GPR63: variants seen among roughly 807,000 people sequenced by gnomAD.
GPR63 encodes G protein-coupled receptor 63, also known as probable G protein-coupled receptor 63.
A neutral mutation model predicts 23.1 loss-of-function variants in GPR63; 12 were observed. The observed-to-expected ratio is 0.52, with a 90% CI of 0.33 to 0.84. The LOEUF (loss-of-function observed/expected upper bound fraction) is 0.84, where lower values mean the gene tolerates loss of function less well. Among genes scored for constraint, GPR63 ranks in the 40% least tolerant of loss-of-function variants. The pLI is 0.02. For synonymous variants in GPR63, 172 were observed against 191.1 expected (o/e 0.90, Z 0.82); for missense variants, 472 against 515.6 (o/e 0.92, Z 0.82).
chr6:96,798,997 C>T lies in GPR63; in HGVS notation c.735G>A (p.Leu245=). 1 of 1,614,106 alleles carries T rather than the reference C, an allele frequency of 6.2e-7. No individual in the cohort carries two copies. Among genetic ancestry groups the T allele is most frequent in the Non-Finnish European group, 8.5e-7 (1 of 1,180,016 alleles). ...GTATGAAGAAAGAAATGAGAGAAAT[C>T]AAAATCACATAAGCCTGGTAGCCTG... is the stretch of plus-strand genomic sequence containing the variant. ...TNPGYQAYVI[L]ISLISFFIPF... is the part of the protein sequence containing the mutation. The change falls in exon 2 of 2, where the codon TTG becomes TTA. Residue 245 remains leucine (L), a synonymous_variant. Transcript: ENST00000229955.
At chr6:96,818,219 T>C (rs752337439) in intron 1 of GPR63, among the ~76,000 whole-genome samples, 9 of 152,000 alleles carry the variant, frequency 5.9e-5, no homozygotes, top group Non-Finnish European at 1.2e-4. Context: ...CCCAGCACTT[T>C]AGGAGGCCAA....
chr6:96,836,599 A>ATT (rs35837304), intron 1 of GPR63, among the ~76,000 whole-genome samples: 83 of 150,174 alleles, frequency 5.5e-4, no homozygotes, highest in Non-Finnish European at 6.4e-4. Context: ...ATGTTGTTGG[A>ATT]TTTTTTTTTT....
intron 1 of GPR63, among the ~76,000 whole-genome samples, chr6:96,819,753 C>T (rs1003842632): frequency 6.8e-6 from 1 of 147,308 alleles, no homozygotes; most frequent in South Asian, 2.2e-4. Context: ...CAAAAAAAAA[C>T]GGGTAGATCA....
chr6:96,798,403 G>A lies in GPR63; in HGVS notation c.*69C>T. On this transcript the variant is annotated 3_prime_UTR_variant, in exon 2 of 2. Coordinates refer to ENST00000229955, the MANE Select transcript of GPR63 (RefSeq NM_030784.4). ...CTATAAAAAAAAATAAAGTGGAGAG[G>A]CTATGAGAAAGAGAATTCAATGTCA... is the stretch of plus-strand genomic sequence containing the variant. 1 of 1,504,276 alleles carries A rather than the reference G, an allele frequency of 6.6e-7. No individual in the cohort carries two copies. Among genetic ancestry groups the A allele is most frequent in the Non-Finnish European group, 9.0e-7 (1 of 1,105,934 alleles). 93.2% of individuals were successfully genotyped at this position (1,504,276 alleles called of 1,614,324 possible). A position where few individuals can be genotyped will look rare whatever the true frequency, so the allele number is the denominator to read the frequency against.
chr6:96,819,743 C>CA (rs1222932534), intron 1 of GPR63, among the ~76,000 whole-genome samples: 49 of 140,246 alleles, frequency 3.5e-4, no homozygotes, highest in East Asian at 3.1e-3. Flanking sequence ...AACAAAAAAA[C>CA]AAAAAAAAAC....
At chr6:96,806,569 C>A (rs1773902974) in intron 1 of GPR63, among the ~76,000 whole-genome samples, 1 of 152,206 alleles carries the variant, frequency 6.6e-6, no homozygotes, top group East Asian at 1.9e-4. Context: ...TAGCATTTGG[C>A]AGGCCCCTTA....
At chr6:96,829,643 T>A (rs1774529770) in intron 1 of GPR63, among the ~76,000 whole-genome samples, 1 of 152,144 alleles carries the variant, frequency 6.6e-6, no homozygotes, top group South Asian at 2.1e-4. Context: ...AAGGCTACAG[T>A]GAGCCATGAT....
intron 1 of GPR63, among the ~76,000 whole-genome samples, chr6:96,805,023 T>C (rs1773861272): frequency 6.6e-6 from 1 of 152,224 alleles, no homozygotes; most frequent in Non-Finnish European, 1.5e-5. Context: ...TTGAAGTTTT[T>C]GTTCAAGTCC....
chr6:96,825,695 T>G (rs1774422569), intron 1 of GPR63, among the ~76,000 whole-genome samples: 1 of 151,974 alleles, frequency 6.6e-6, no homozygotes, highest in Non-Finnish European at 1.5e-5. Context: ...GCACAGAAAA[T>G]AGTAAAAGCT....
chr6:96,824,348 G>A (rs1432553760), intron 1 of GPR63, among the ~76,000 whole-genome samples: 3 of 151,902 alleles, frequency 2.0e-5, no homozygotes, highest in African/African-American at 7.3e-5. Context: ...AACCTCACTA[G>A]CAGAAAGACT....
At chr6:96,831,349 G>T (rs1774575165) in intron 1 of GPR63, among the ~76,000 whole-genome samples, 1 of 151,940 alleles carries the variant, frequency 6.6e-6, no homozygotes, top group African/African-American at 2.4e-5. Flanking sequence ...TCTATAAAAT[G>T]GGGTTATTTC....
chr6:96,817,248 C>A (rs1251783197), intron 1 of GPR63, among the ~76,000 whole-genome samples: 1 of 152,116 alleles, frequency 6.6e-6, no homozygotes, highest in Non-Finnish European at 1.5e-5. Context: ...AAACAAAATC[C>A]ACAACATATG....
chr6:96,814,608 T>C (rs1190384159), intron 1 of GPR63, among the ~76,000 whole-genome samples: 2 of 152,160 alleles, frequency 1.3e-5, no homozygotes, highest in Non-Finnish European at 2.9e-5. Context: ...ACAAAATGTT[T>C]TGCTGCTTCT....
rs1456590389 is a variant in GPR63, at chr6:96,796,255, C to T, written c.*2217G>A. The T allele has an allele frequency of 6.6e-6, 1 of 152,182 alleles. No homozygotes were observed. The highest frequency in any genetic ancestry group is 1.5e-5 in the Non-Finnish European group (1 of 68,052). 9.4% of individuals were successfully genotyped at this position (152,182 alleles called of 1,614,324 possible). On this transcript the variant is annotated 3_prime_UTR_variant, in exon 2 of 2. Transcript: ENST00000229955. Reference sequence around the variant, plus strand: ...AGGTGATGCTGAAGTCAGCTAGGCTCTTCAAAAATCTATACCCTAGTATAG... The same window carrying T: ...AGGTGATGCTGAAGTCAGCTAGGCTTTTCAAAAATCTATACCCTAGTATAG...
intron 1 of GPR63, among the ~76,000 whole-genome samples, chr6:96,803,806 C>T (rs1414872168): frequency 2.0e-5 from 3 of 152,188 alleles, no homozygotes; most frequent in African/African-American, 7.2e-5. Context: ...ACAGTAACAG[C>T]ATGAGAGCAA....
intron 1 of GPR63, among the ~76,000 whole-genome samples, chr6:96,812,965 T>G (rs1774079808): frequency 6.6e-6 from 1 of 152,156 alleles, no homozygotes; most frequent in African/African-American, 2.4e-5. Flanking sequence ...ACTGTATGTT[T>G]GTATCCATTA....
At chr6:96,837,112 C>T (rs915103286) in intron 1 of GPR63, among the ~76,000 whole-genome samples, 156 bp downstream of exon 1, 8 of 152,170 alleles carry the variant, frequency 5.3e-5, no homozygotes, top group African/African-American at 1.9e-4. Context: ...CAAGCTTCTC[C>T]GGCACAACTT....
rs11461025 is a variant in GPR63 at position 96,827,046 on chromosome 6, T to TAAA, written c.-151+10219_-151+10221dup. On this transcript the variant is annotated intron_variant, in intron 1 of 1. Coordinates refer to ENST00000229955, the MANE Select transcript of GPR63 (RefSeq NM_030784.4). ...AGTTCCAAGGCAAGTGAACACAGTC[T>TAAA]AAAAAAAAAAAAAAACCACAAAAAC... Among the ~76,000 whole-genome samples, 14 of 122,482 alleles carry TAAA rather than the reference T, an allele frequency of 1.1e-4. 1 individual carries two copies. The highest frequency in any genetic ancestry group is 1.0e-3 in the South Asian group (4 of 3,968). 80.4% of individuals were successfully genotyped at this position (122,482 alleles called of 152,430 possible). A position where few individuals can be genotyped will look rare whatever the true frequency, so the allele number is the denominator to read the frequency against.
Position 96,795,290 on chromosome 6 carries a change from G to A in GPR63, c.*3182C>T, listed in dbSNP as rs780310902. On this transcript the variant is annotated 3_prime_UTR_variant, in exon 2 of 2. Transcript: ENST00000229955. Reference sequence around the variant, plus strand: ...TCTCTTTTACGCTTCTTACTAGCCAGAAGGAAAAACAGGCAAACAAAAAAC... The same window carrying A: ...TCTCTTTTACGCTTCTTACTAGCCAAAAGGAAAAACAGGCAAACAAAAAAC... The A allele has an allele frequency of 5.9e-5, 9 of 152,156 alleles. No individual in the cohort carries two copies. The highest frequency in any genetic ancestry group is 2.1e-4 in the South Asian group (1 of 4,830). 9.4% of individuals were successfully genotyped at this position (152,156 alleles called of 1,614,324 possible). A position where few individuals can be genotyped will look rare whatever the true frequency, so the allele number is the denominator to read the frequency against.
Sources: gnomAD v4.1 joint callset for allele counts (sites outside exome capture counted in the v4.1 genomes callset) on GRCh38, gnomAD v4.1.1 for gene constraint, MANE v1.5 for transcripts, NCBI Gene and HGNC (gene_info 2026-07-23, HGNC 2026-07-21) for gene names.